The following PLXNA4 variants were observed in gnomAD, a reference collection of about 807,000 sequenced individuals.
The protein encoded by PLXNA4 is plexin-A4.
In PLXNA4, 44 loss-of-function variants were observed where a neutral mutation model predicts 191.8. The observed-to-expected ratio is 0.23, with a 90% CI of 0.18 to 0.29. The LOEUF is 0.29. Ranked by LOEUF, PLXNA4 falls within the 10% of genes least tolerant of loss-of-function variation. PLXNA4 has a pLI of 1.00. For synonymous variants in PLXNA4, 1,082 were observed against 1,009.5 expected (o/e 1.07, Z -1.36); for missense variants, 1,800 against 2,488.8 (o/e 0.72, Z 5.89).
intron 3 of PLXNA4, among the ~76,000 whole-genome samples, chr7:132,485,219 C>A (rs976260577): frequency 2.0e-5 from 3 of 152,192 alleles, no homozygotes; most frequent in Non-Finnish European, 2.9e-5. Flanking sequence ...GCATGTCCCG[C>A]AACAGGCTAA....
At chr7:132,327,650 G>A (rs1802426334) in intron 3 of PLXNA4, among the ~76,000 whole-genome samples, 1 of 152,174 alleles carries the variant, frequency 6.6e-6, no homozygotes, top group Non-Finnish European at 1.5e-5. Flanking sequence ...CTCGGACACA[G>A]AGGTGAACAC....
At chr7:132,237,404 C>A (rs538788970) in intron 5 of PLXNA4, among the ~76,000 whole-genome samples, 4 of 152,146 alleles carry the variant, frequency 2.6e-5, no homozygotes, top group African/African-American at 4.8e-5. Flanking sequence ...AGGCACTCTT[C>A]GCAAGGGAGT....
chr7:132,614,674 G>A (rs1343869779), intron 2 of PLXNA4, among the ~76,000 whole-genome samples: 2 of 152,216 alleles, frequency 1.3e-5, no homozygotes, highest in Non-Finnish European at 2.9e-5. Context: ...CCTGGCCACA[G>A]CTGACGGGAC....
intron 5 of PLXNA4, among the ~76,000 whole-genome samples, chr7:132,239,687 C>T (rs1314647418): frequency 6.6e-6 from 1 of 152,222 alleles, no homozygotes; most frequent in African/African-American, 2.4e-5. Context: ...ATTCTGAATG[C>T]AACCTCTGCC....
intron 3 of PLXNA4, among the ~76,000 whole-genome samples, chr7:132,381,793 C>G (rs914339540): frequency 6.6e-6 from 1 of 152,176 alleles, no homozygotes; most frequent in African/African-American, 2.4e-5. Flanking sequence ...TGGAGAGCGC[C>G]AGGAGCCCCG....
At chr7:132,518,271 A>G (rs1007214715) in intron 1 of PLXNA4, among the ~76,000 whole-genome samples, 6 of 152,156 alleles carry the variant, frequency 3.9e-5, no homozygotes, top group African/African-American at 1.2e-4. Context: ...GGGTTGACAC[A>G]GCAAAACCCA....
intron 5 of PLXNA4, among the ~76,000 whole-genome samples, chr7:132,238,308 T>C (rs984671313): frequency 5.3e-5 from 8 of 152,204 alleles, no homozygotes; most frequent in African/African-American, 1.9e-4. Flanking sequence ...CCTAACCCTG[T>C]ATTTCTCCTA....
chr7:132,264,182 T>G (rs1279910580), intron 4 of PLXNA4: 1 of 152,158 alleles, frequency 6.6e-6, no homozygotes, highest in Non-Finnish European at 1.5e-5. Context: ...ATCCCAAAAC[T>G]GAAGAATTGG....
rs112787783 is a variant in PLXNA4, at chr7:132,264,867, C to A, written c.1504-23701G>T. ...CGCCTGCCACCTCACCCAGCTAATT[C>A]TTGTATTTTTAGTAGAGATGGGGTT... On this transcript the variant is annotated intron_variant, in intron 4 of 31. Coordinates refer to ENST00000321063, the MANE Select transcript of PLXNA4 (RefSeq NM_020911.2). Among the ~76,000 whole-genome samples, 788 of 151,862 alleles carry A rather than the reference C, an allele frequency of 5.2e-3. 6 individuals carry two copies. The highest frequency in any genetic ancestry group is 0.018 in the African/African-American group (757 of 41,428).
intron 2 of PLXNA4, among the ~76,000 whole-genome samples, chr7:132,595,065 G>T (rs1802684213): frequency 6.6e-6 from 1 of 151,896 alleles, no homozygotes; most frequent in Admixed American, 6.6e-5. Flanking sequence ...AGCTTTGCTA[G>T]GCTTAGATCC....
chr7:132,156,133 CAT>C (rs1282081994), intron 25 of PLXNA4, among the ~76,000 whole-genome samples: 43 of 125,668 alleles, frequency 3.4e-4, no homozygotes, highest in African/African-American at 6.9e-4. Flanking sequence ...TGTTTCTGGA[CAT>C]ACACACACAC....
intron 20 of PLXNA4, 56 bp downstream of exon 20, chr7:132,179,631 C>T: frequency 6.3e-7 from 1 of 1,581,644 alleles, no homozygotes; most frequent in Non-Finnish European, 8.6e-7. Context: ...TGTGCATGCA[C>T]ACACATATGC....
intron 1 of PLXNA4, among the ~76,000 whole-genome samples, chr7:132,519,608 C>T (rs1799091872): frequency 6.6e-6 from 1 of 152,236 alleles, no homozygotes; most frequent in African/African-American, 2.4e-5. Flanking sequence ...CTAACCTACA[C>T]TCCCTGTAGC....
At chr7:132,493,881 C>G (rs1055969778) in intron 2 of PLXNA4, among the ~76,000 whole-genome samples, 1 of 152,254 alleles carries the variant, frequency 6.6e-6, no homozygotes, top group South Asian at 2.1e-4. Flanking sequence ...GGTTTGAATC[C>G]CAACTCTGCC....
intron 4 of PLXNA4, among the ~76,000 whole-genome samples, chr7:132,282,699 C>T (rs1442530922): frequency 1.5e-5 from 2 of 136,006 alleles, no homozygotes; most frequent in African/African-American, 5.3e-5. Context: ...CTTTCTTCAT[C>T]GGAGAGTGTT....
intron 2 of PLXNA4, among the ~76,000 whole-genome samples, chr7:132,492,003 T>C (rs960675342): frequency 2.6e-5 from 4 of 152,168 alleles, no homozygotes; most frequent in African/African-American, 9.7e-5. Flanking sequence ...TCGTGGCCCT[T>C]GAATGTTCCT....
At chr7:132,486,255 G>T (rs1354261863) in intron 3 of PLXNA4, among the ~76,000 whole-genome samples, 2 of 152,194 alleles carry the variant, frequency 1.3e-5, no homozygotes, top group African/African-American at 4.8e-5. Flanking sequence ...ACTTGTCACG[G>T]CTGGGCCTCT....
chr7:132,280,270 G>A (rs541503799), intron 4 of PLXNA4, among the ~76,000 whole-genome samples: 95 of 152,178 alleles, frequency 6.2e-4, no homozygotes, highest in African/African-American at 2.1e-3. Context: ...ACAAGAGATC[G>A]AGAGATTGAG....
chr7:132,177,782 T>G (rs1253034368), intron 20 of PLXNA4, among the ~76,000 whole-genome samples: 1 of 152,206 alleles, frequency 6.6e-6, no homozygotes, highest in African/African-American at 2.4e-5. Context: ...AGAAAAAAAT[T>G]AAGCAGCGTA....
Sources: gnomAD v4.1 joint callset for allele counts (sites outside exome capture counted in the v4.1 genomes callset) on GRCh38, gnomAD v4.1.1 for gene constraint, MANE v1.5 for transcripts, NCBI Gene and HGNC (gene_info 2026-07-23, HGNC 2026-07-21) for gene names.